SOX5: variants seen among roughly 807,000 people sequenced by gnomAD.
SOX5 encodes transcription factor SOX-5.
SOX5 carries 9 observed loss-of-function variants against 92.0 expected under a neutral mutation model. That is an observed-to-expected ratio of 0.10 (90% CI 0.06 to 0.17). The LOEUF (loss-of-function observed/expected upper bound fraction) is 0.17. SOX5 is among the 10% of genes least tolerant of loss of function. The pLI, the probability that SOX5 is intolerant of heterozygous loss-of-function variation, is 1.00. For missense variants in SOX5, 642 were observed against 944.5 expected (o/e 0.68, Z 4.20); for synonymous variants, 344 against 336.3 (o/e 1.02, Z -0.25).
intron 1 of SOX5, among the ~76,000 whole-genome samples, chr12:24,512,286 C>A (rs1949395182): frequency 1.3e-5 from 2 of 152,172 alleles, no homozygotes; most frequent in South Asian, 4.1e-4. Flanking sequence ...GATCTATCTA[C>A]TACTGGAATA....
At chr12:23,613,120 T>C (rs778114416) in intron 8 of SOX5, among the ~76,000 whole-genome samples, 5 of 152,302 alleles carry the variant, frequency 3.3e-5, no homozygotes, top group East Asian at 1.9e-4. Context: ...AAAACCACGA[T>C]AGGCCTTCAC....
chr12:24,411,150 T>C (rs1361004682), intron 1 of SOX5, among the ~76,000 whole-genome samples: 1 of 152,194 alleles, frequency 6.6e-6, no homozygotes, highest in Non-Finnish European at 1.5e-5. Flanking sequence ...TATGTTTATA[T>C]CTTGCTACCT....
chr12:24,051,759 T>G (rs553370636), intron 4 of SOX5, among the ~76,000 whole-genome samples: 2 of 152,306 alleles, frequency 1.3e-5, no homozygotes, highest in South Asian at 4.1e-4. Context: ...AAATTCTCTT[T>G]TGTTAATCCA....
chr12:24,163,595 C>A lies in SOX5; in HGVS notation c.-2+49748G>T, dbSNP rs184754762. ...CGCATTATCTGGCTTGGGTCATAAG[C>A]TCCTAGAATACGAGGATTCTATCAG... On this transcript the variant is annotated intron_variant, in intron 4 of 4. Coordinates refer to the SOX5 transcript ENST00000446891. 4.6e-5 allele frequency among the ~76,000 whole-genome samples: 7 copies of A among 150,842 alleles called. No homozygotes were observed. In the East Asian group the frequency reaches 1.4e-3, roughly 29 times the overall value.
intron 14 of SOX5, among the ~76,000 whole-genome samples, chr12:23,534,797 C>A (rs998508067): frequency 6.6e-6 from 1 of 151,660 alleles, no homozygotes; most frequent in African/African-American, 2.4e-5. Flanking sequence ...GCAACCTCCC[C>A]CTCCAGGGTT....
intron 4 of SOX5, among the ~76,000 whole-genome samples, chr12:24,046,360 A>T (rs893905592): frequency 6.6e-6 from 1 of 152,106 alleles, no homozygotes; most frequent in Non-Finnish European, 1.5e-5. Flanking sequence ...CCCTTTCCAG[A>T]TGTTATAAAT....
chr12:24,555,140 T>C (rs1953644918), intron 1 of SOX5, among the ~76,000 whole-genome samples: 1 of 152,198 alleles, frequency 6.6e-6, no homozygotes, highest in East Asian at 1.9e-4. Flanking sequence ...TGCTTTGTGG[T>C]GCTGCAAGTT....
intron 3 of SOX5, among the ~76,000 whole-genome samples, chr12:23,810,503 A>G (rs2095858179): frequency 6.6e-6 from 1 of 152,176 alleles, no homozygotes; most frequent in African/African-American, 2.4e-5. Flanking sequence ...CTGAGCTGAC[A>G]GGATTAATTT....
chr12:23,632,787 T>C (rs2078717662), intron 8 of SOX5, among the ~76,000 whole-genome samples: 1 of 152,132 alleles, frequency 6.6e-6, no homozygotes. Context: ...GTATGATTCA[T>C]TCTCTAACAT....
chr12:23,864,770 A>G (rs1483116501), intron 2 of SOX5, among the ~76,000 whole-genome samples: 11 of 152,230 alleles, frequency 7.2e-5, no homozygotes, highest in Non-Finnish European at 7.3e-5. Flanking sequence ...TCTTCATAAG[A>G]TAATAATGCA....
chr12:23,760,058 C>T (rs2094521617), intron 3 of SOX5, among the ~76,000 whole-genome samples: 2 of 151,996 alleles, frequency 1.3e-5, no homozygotes, highest in South Asian at 4.1e-4. Context: ...GAAAATTCCT[C>T]CTCCTGAGAG....
chr12:23,550,956 CTAT>C (rs1944086232), intron 11 of SOX5, among the ~76,000 whole-genome samples: 2 of 151,994 alleles, frequency 1.3e-5, no homozygotes. Context: ...GATAAGTCAT[CTAT>C]TACTCCCTGA....
upstream of SOX5, among the ~76,000 whole-genome samples, chr12:23,951,765 A>G (rs1229847247): frequency 1.3e-5 from 2 of 152,148 alleles, no homozygotes; most frequent in East Asian, 1.9e-4. Context: ...AGCTGTTAAC[A>G]AGGGATGTGG....
chr12:23,782,967 C>T (rs773932333), intron 3 of SOX5, among the ~76,000 whole-genome samples: 5 of 151,984 alleles, frequency 3.3e-5, no homozygotes, highest in African/African-American at 4.8e-5. Context: ...CCTTTGAGAG[C>T]CTTTCCTCTG....
chr12:23,663,868 G>A (rs893830808), intron 7 of SOX5, among the ~76,000 whole-genome samples: 22 of 152,006 alleles, frequency 1.4e-4, no homozygotes, highest in African/African-American at 5.3e-4. Flanking sequence ...GGTGTGTCTG[G>A]ATGAGTTGAT....
intron 6 of SOX5, among the ~76,000 whole-genome samples, chr12:23,682,098 T>C (rs955009521): frequency 4.6e-5 from 7 of 151,926 alleles, no homozygotes; most frequent in African/African-American, 1.7e-4. Context: ...TGGATATATG[T>C]AGAATTCTGC....
chr12:24,339,166 CACA>C (rs1952281002), intron 2 of SOX5, among the ~76,000 whole-genome samples: 9 of 113,106 alleles, frequency 8.0e-5, no homozygotes, highest in South Asian at 2.5e-4. Context: ...CTCTCTGCCA[CACA>C]CACACACACA....
chr12:24,500,097 C>T (rs1306250402), intron 1 of SOX5, among the ~76,000 whole-genome samples: 4 of 152,086 alleles, frequency 2.6e-5, no homozygotes, highest in African/African-American at 7.2e-5. Flanking sequence ...GTTCTGCCAC[C>T]GACTTGCTGC....
At chr12:24,472,289 G>C (rs1202672158) in intron 1 of SOX5, among the ~76,000 whole-genome samples, 1 of 152,132 alleles carries the variant, frequency 6.6e-6, no homozygotes, top group Non-Finnish European at 1.5e-5. Context: ...AGGTTAAAGG[G>C]AATCCAGAGG....
Sources: gnomAD v4.1 joint callset for allele counts (sites outside exome capture counted in the v4.1 genomes callset) on GRCh38, gnomAD v4.1.1 for gene constraint, MANE v1.5 for transcripts, NCBI Gene and HGNC (gene_info 2026-07-23, HGNC 2026-07-21) for gene names.